ZNF672: variants seen among roughly 807,000 people sequenced by gnomAD.
The protein encoded by ZNF672 is hypothetical protein FLJ22301.
For synonymous variants in ZNF672, 358 were observed against 305.6 expected (o/e 1.17, Z -1.79); for missense variants, 733 against 701.1 (o/e 1.05, Z -0.51).
At position 248,848,327 on chromosome 1, in the gene ZNF672, G is replaced by A. The variant is rs143940335; in HGVS notation, c.1053G>A (p.Val351=). Residue 351 remains valine (V), a synonymous_variant, in exon 4 of 4, where the codon GTG becomes GTA. Coordinates refer to ENST00000306562, the MANE Select transcript of ZNF672 (RefSeq NM_024836.3). ...TGTGCGGCAAGCGGTTCACGTGCGT[G>A]TCCAATCTCAACGTGCATCGGCGCA... ...CELCGKRFTC[V]SNLNVHRRNH... is the part of the protein sequence containing the mutation. 80 of 1,601,886 alleles carry A rather than the reference G, an allele frequency of 5.0e-5. No homozygotes were observed. The African/African-American group carries it at 9.1e-4, about 18-fold the overall frequency.
In ZNF672 at chr1:248,838,254, G is replaced by A. The variant is rs6672702; in HGVS notation, c.-772G>A. 180 of 152,458 alleles carry A rather than the reference G, an allele frequency of 1.2e-3. No individual in the cohort carries two copies. Among genetic ancestry groups the A allele is most frequent in the African/African-American group, 4.2e-3 (175 of 41,582 alleles). 9.4% of individuals were successfully genotyped at this position (152,458 alleles called of 1,614,324 possible). ...CGCCTGCTTCCCGGCTCCAGCTGGG[G>A]CCGGAGAGGCTGAGTGGTTGGTACG... is the stretch of plus-strand genomic sequence containing the variant. On this transcript the variant is annotated 5_prime_UTR_variant, in exon 1 of 4. Transcript: ENST00000306562.
At position 248,848,744 on chromosome 1, in the gene ZNF672, G is replaced by A; in HGVS notation, c.*111G>A. On this transcript the variant is annotated 3_prime_UTR_variant, in exon 4 of 4. Coordinates refer to ENST00000306562, the MANE Select transcript of ZNF672 (RefSeq NM_024836.3). ...ATGGAGATTTGGGAAAAGACGATGT[G>A]GCCTCCTACCTTTCCAGTTTCTGTT... is the stretch of plus-strand genomic sequence containing the variant. 6 of 1,416,928 alleles carry A rather than the reference G, an allele frequency of 4.2e-6. No individual in the cohort carries two copies. The allele number at this position is 1,416,928 out of a possible 1,614,324, so 87.8% of individuals were successfully genotyped here.
intron 1 of ZNF672, among the ~76,000 whole-genome samples, chr1:248,840,984 G>A (rs1664668690): frequency 6.6e-6 from 1 of 151,844 alleles, no homozygotes; most frequent in African/African-American, 2.4e-5. Flanking sequence ...CATAGTATTT[G>A]TATGTGCAGT....
At position 248,849,268 on chromosome 1, in the gene ZNF672, G is replaced by A. The variant is rs1204241957; in HGVS notation, c.*635G>A. On this transcript the variant is annotated 3_prime_UTR_variant, in exon 4 of 4. Transcript: ENST00000306562. ...TGAAGGTGGGCAGGGCCCTTAGCAT[G>A]GCCACACATGTCCCCAGGGCAGATC... 5 of 385,548 alleles carry A rather than the reference G, an allele frequency of 1.3e-5. No homozygotes were observed. Among genetic ancestry groups the A allele is most frequent in the African/African-American group, 4.3e-5 (2 of 46,516 alleles). The allele number at this position is 385,548 out of a possible 1,614,324, so 23.9% of individuals were successfully genotyped here.
intron 1 of ZNF672, among the ~76,000 whole-genome samples, chr1:248,841,528 C>A (rs1001940995): frequency 2.6e-5 from 4 of 152,196 alleles, no homozygotes; most frequent in African/African-American, 9.7e-5. Context: ...AAGGACAGGG[C>A]AAGCTCCCAC....
Position 248,848,785 on chromosome 1 carries a change from A to G in ZNF672, c.*152A>G. ...AGTTTCTGTTGGCAGCCCTTCACGT[A>G]GCCTCCTGCCTCGCCTCTACACCTA... On this transcript the variant is annotated 3_prime_UTR_variant, in exon 4 of 4. Coordinates refer to ENST00000306562, the MANE Select transcript of ZNF672 (RefSeq NM_024836.3). 1 of 1,168,462 alleles carries G rather than the reference A, an allele frequency of 8.6e-7. No homozygotes were observed. The highest frequency in any genetic ancestry group is 1.4e-5 in the South Asian group (1 of 70,270). 72.4% of individuals were successfully genotyped at this position (1,168,462 alleles called of 1,614,324 possible).
chr1:248,842,409 G>T (rs769389399), intron 1 of ZNF672, among the ~76,000 whole-genome samples: 1 of 152,138 alleles, frequency 6.6e-6, no homozygotes, highest in Non-Finnish European at 1.5e-5. Flanking sequence ...AACAGGGAGA[G>T]AACATACATA....
chr1:248,842,207 G>A (rs1287659097), intron 1 of ZNF672, among the ~76,000 whole-genome samples: 2 of 152,116 alleles, frequency 1.3e-5, no homozygotes, highest in Non-Finnish European at 2.9e-5. Flanking sequence ...TACATTCACT[G>A]ACTAATAGAT....
chr1:248,840,129 G>A (rs751640710), intron 1 of ZNF672, among the ~76,000 whole-genome samples: 7 of 151,510 alleles, frequency 4.6e-5, no homozygotes, highest in Non-Finnish European at 7.4e-5. Context: ...TCACTCTGTC[G>A]CCCAGGCTGG....
At chr1:248,843,981 T>A (rs1664718279) in intron 1 of ZNF672, among the ~76,000 whole-genome samples, 1 of 152,180 alleles carries the variant, frequency 6.6e-6, no homozygotes, top group Non-Finnish European at 1.5e-5. Context: ...ACCGCTTGTT[T>A]CTTGTGAATC....
In ZNF672 at chr1:248,847,382, C is replaced by G. The variant is rs984777851; in HGVS notation, c.108C>G (p.His36Gln). Residue 36 changes from histidine (H) to glutamine (Q), a missense_variant, in exon 4 of 4, where the codon CAC becomes CAG. Physicochemically the swap from His to Gln is conservative, Grantham distance 24 (BLOSUM62 0). Transcript: ENST00000306562. ...SSVLLRHERAHGGDGRFRCLE... is the reference protein window; with the variant it reads ...SSVLLRHERAQGGDGRFRCLE... ...TGCTGCTGCGACATGAACGAGCTCACGGCGGTGACGGCCGCTTCCGTTGCC... is the reference window on the plus strand; with the variant it reads ...TGCTGCTGCGACATGAACGAGCTCAGGGCGGTGACGGCCGCTTCCGTTGCC... 1 of 1,606,070 alleles carries G rather than the reference C, an allele frequency of 6.2e-7. No homozygotes were observed. The highest frequency in any genetic ancestry group is 2.3e-5 in the East Asian group (1 of 44,378).
At position 248,848,697 on chromosome 1, in the gene ZNF672, G is replaced by A; in HGVS notation, c.*64G>A. 2.7e-6 allele frequency: 4 copies of A among 1,501,368 alleles called. No homozygotes were observed. The highest frequency in any genetic ancestry group is 3.5e-6 in the Non-Finnish European group (4 of 1,127,790). 93.0% of individuals were successfully genotyped at this position (1,501,368 alleles called of 1,614,324 possible). A position where few individuals can be genotyped will look rare whatever the true frequency, so the allele number is the denominator to read the frequency against. On this transcript the variant is annotated 3_prime_UTR_variant, in exon 4 of 4. Coordinates refer to ENST00000306562, the MANE Select transcript of ZNF672 (RefSeq NM_024836.3). ...GGCAAGCACCTATATAGTATCACGG[G>A]GACAGTTGAGGCAACTCGTAGATGG...
rs1275576313 is a variant in ZNF672 at position 248,848,083 on chromosome 1, TGCTGCGCCATC to T, written c.811_821del (p.Leu271AlafsTer165). Reference sequence around the variant, plus strand: ...CGCTGCTTCAGCGAGAGTTCCACGCTGCTGCGCCATCGGCGCAGCCATCAGGGCGAGCGGCC... The same window carrying T: ...CGCTGCTTCAGCGAGAGTTCCACGCTGGCGCAGCCATCAGGGCGAGCGGCC... On this transcript the variant is annotated frameshift_variant, in exon 4 of 4. Transcript: ENST00000306562. LOFTEE classifies it low-confidence loss of function (END_TRUNC). 1.3e-6 allele frequency: 2 copies of T among 1,549,322 alleles called. No homozygotes were observed. The highest frequency in any genetic ancestry group is 2.0e-5 in the Admixed American group (1 of 51,178).
chr1:248,838,519 CCGCGCGGTGTCTGAG>C lies in ZNF672; in HGVS notation c.-506_-492del, dbSNP rs1664611804. On this transcript the variant is annotated 5_prime_UTR_variant, in exon 1 of 4. Coordinates refer to ENST00000306562, the MANE Select transcript of ZNF672 (RefSeq NM_024836.3). ...GGGTCGGCAGCCGGCTGAGTGGGAACCGCGCGGTGTCTGAGGAGGCAGTCGGCGACCGGTGAGGGG... is the reference window on the plus strand; with the variant it reads ...GGGTCGGCAGCCGGCTGAGTGGGAACGAGGCAGTCGGCGACCGGTGAGGGG... 6.6e-6 allele frequency: 1 copy of C among 152,396 alleles called. No homozygotes were observed. The highest frequency in any genetic ancestry group is 2.4e-5 in the African/African-American group (1 of 41,450). 9.4% of individuals were successfully genotyped at this position (152,396 alleles called of 1,614,324 possible).
rs762044433 is a variant in ZNF672, at chr1:248,848,261, C to G, written c.987C>G (p.His329Gln). Reference sequence around the variant, plus strand: ...GCGACCGCTCGGACCTCACCAAGCACCGGCGCACGCACACGGGCGAGAAGC... The same window carrying G: ...GCGACCGCTCGGACCTCACCAAGCAGCGGCGCACGCACACGGGCGAGAAGC... ...RFSDRSDLTK[H>Q]RRTHTGEKPY... Residue 329 changes from histidine (H) to glutamine (Q), a missense_variant, in exon 4 of 4, where the codon CAC becomes CAG. Transcript: ENST00000306562. 5 of 1,602,906 alleles carry G rather than the reference C, an allele frequency of 3.1e-6. No individual in the cohort carries two copies. Among genetic ancestry groups the G allele is most frequent in the Non-Finnish European group, 4.2e-6 (5 of 1,178,766 alleles).
chr1:248,848,569 T>G lies in ZNF672; in HGVS notation c.1295T>G (p.Val432Gly). The part of the protein sequence containing the change: ...TAAAVAIQSA[V>G]GTALVFEGPA... The stretch of plus-strand genomic sequence containing the variant: ...GCCGCCGTTGCCATCCAGTCCGCAG[T>G]GGGCACTGCCCTCGTCTTTGAGGGG... Residue 432 changes from valine (V) to glycine (G), a missense_variant, in exon 4 of 4, where the codon GTG (valine) becomes GGG (glycine). Val to Gly is a moderately radical substitution (Grantham distance 109). Transcript: ENST00000306562. 1.3e-6 allele frequency: 2 copies of G among 1,599,130 alleles called. No homozygotes were observed. The highest frequency in any genetic ancestry group is 1.7e-6 in the Non-Finnish European group (2 of 1,170,622).
Position 248,849,349 on chromosome 1 carries a change from C to G in ZNF672, c.*716C>G. The G allele has an allele frequency of 5.6e-6, 2 of 357,834 alleles. No individual in the cohort carries two copies. Among genetic ancestry groups the G allele is most frequent in the South Asian group, 2.3e-5 (1 of 44,020 alleles). 22.2% of individuals were successfully genotyped at this position (357,834 alleles called of 1,614,324 possible). ...CAGGTGAGGACCATTTTCACTGGGA[C>G]CCAGGCCAAAACCATGTGGGTGCAC... On this transcript the variant is annotated 3_prime_UTR_variant, in exon 4 of 4. Transcript: ENST00000306562.
rs1664773311 is a variant in ZNF672 at position 248,847,110 on chromosome 1, C to T, written c.-165C>T. On this transcript the variant is annotated 5_prime_UTR_variant, in exon 4 of 4. Transcript: ENST00000306562. ...ACCCTGGAACAGCCACAATGTCTGC[C>T]CCTTAGAGAAGAACCCTGAAATCAG... The T allele has an allele frequency of 4.4e-6, 4 of 899,554 alleles. No individual in the cohort carries two copies. The African/African-American group carries it at 6.7e-5, about 15-fold the overall frequency. The allele number at this position is 899,554 out of a possible 1,614,324, so 55.7% of individuals were successfully genotyped here.
rs1207367815 is a variant in ZNF672 at position 248,847,505 on chromosome 1, A to G, written c.231A>G (p.Gln77=). The G allele has an allele frequency of 3.8e-6, 6 of 1,598,058 alleles. No individual in the cohort carries two copies. Among genetic ancestry groups the G allele is most frequent in the East Asian group, 2.3e-5 (1 of 43,654 alleles). ...QTLYICSECG[Q]SFRHSGRLDL... is the part of the protein sequence containing the mutation. Reference sequence around the variant, plus strand: ...TCTACATCTGCAGTGAGTGCGGACAAAGCTTCCGCCACAGCGGCCGTCTTG... The same window carrying G: ...TCTACATCTGCAGTGAGTGCGGACAGAGCTTCCGCCACAGCGGCCGTCTTG... Residue 77 remains glutamine (Q), a synonymous_variant, in exon 4 of 4, where the codon CAA becomes CAG. Coordinates refer to ENST00000306562, the MANE Select transcript of ZNF672 (RefSeq NM_024836.3).
Sources: gnomAD v4.1 joint callset for allele counts (sites outside exome capture counted in the v4.1 genomes callset) on GRCh38, gnomAD v4.1.1 for gene constraint, MANE v1.5 for transcripts, NCBI Gene and HGNC (gene_info 2026-07-23, HGNC 2026-07-21) for gene names.